C5: variants seen among roughly 807,000 people sequenced by gnomAD.
C5 encodes the protein complement C5, also known as C3 and PZP-like alpha-2-macroglobulin domain-containing protein 4.
Under a neutral mutation model 218.8 loss-of-function variants are expected in C5, and 140 were observed. That is an observed-to-expected ratio of 0.64 (90% CI 0.56 to 0.74). The LOEUF (loss-of-function observed/expected upper bound fraction) is 0.74. Ranked by LOEUF, C5 falls within the 30% of genes least tolerant of loss-of-function variation. The pLI, the probability that C5 is intolerant of heterozygous loss-of-function variation, is 0.00. For synonymous variants in C5, 614 were observed against 682.3 expected, an observed-to-expected ratio of 0.90 and a Z score of 1.56; for missense variants, 1,700 against 1,969.6, an observed-to-expected ratio of 0.86 and a Z score of 2.59.
intron 33 of C5, among the ~76,000 whole-genome samples, chr9:120,966,038 C>T (rs2046864966): frequency 6.6e-6 from 1 of 152,190 alleles, no homozygotes; most frequent in Admixed American, 6.5e-5. Flanking sequence ...ACCCTCTGAA[C>T]ACAGAAACTT....
rs1447436742 is a variant in C5, at chr9:121,034,879, C to T, written c.508G>A (p.Glu170Lys). 1 of 1,588,158 alleles carries T rather than the reference C, an allele frequency of 6.3e-7. No homozygotes were observed. Among genetic ancestry groups the T allele is most frequent in the South Asian group, 1.1e-5 (1 of 90,322 alleles). ...VLTFIDPEGSEVDMVEEIDHI... is the reference protein window; with the variant it reads ...VLTFIDPEGSKVDMVEEIDHI... ...TCAATTTCTTCTACCATGTCAACTT[C>T]TGATCCTTCAGGATCCTGTAAATAA... The change falls in exon 5 of 41, where the codon GAA becomes AAA. Residue 170 changes from glutamate (E) to lysine (K), a missense_variant. Transcript: ENST00000223642.
rs776297221 is a variant in C5 at position 121,014,072 on chromosome 9, T to C, written c.2060-2A>G. ...CTACTGAATGTTTATATTTAGCAGCTGAAATGGTAATAATGCAAGTGCTCT... is the reference window on the plus strand; with the variant it reads ...CTACTGAATGTTTATATTTAGCAGCCGAAATGGTAATAATGCAAGTGCTCT... On this transcript the variant is annotated splice_acceptor_variant, in intron 16 of 40. Transcript: ENST00000223642. LOFTEE classifies it high-confidence loss of function. 6.2e-7 allele frequency: 1 copy of C among 1,613,450 alleles called. No homozygotes were observed.
chr9:121,007,411 T>G (rs901934874), intron 18 of C5, among the ~76,000 whole-genome samples: 1 of 152,236 alleles, frequency 6.6e-6, no homozygotes, highest in Non-Finnish European at 1.5e-5. Context: ...GTATCAGGTA[T>G]AGTGCTGAGT....
chr9:120,978,508 C>T (rs910644272), intron 28 of C5, among the ~76,000 whole-genome samples: 25 of 152,102 alleles, frequency 1.6e-4, no homozygotes, highest in African/African-American at 5.6e-4. Flanking sequence ...TCTCACAATA[C>T]CCAAGACATT....
chr9:121,059,771 C>T, the C5 span, among the ~76,000 whole-genome samples: 1 of 152,208 alleles, frequency 6.6e-6, no homozygotes, highest in African/African-American at 2.4e-5. This position sits in a 1 kb window ranked among gnomAD's most constrained non-coding sequence, Gnocchi z 4.1. Flanking sequence ...AGGGGAAGCC[C>T]CCATGTAGTG....
intron 17 of C5, among the ~76,000 whole-genome samples, chr9:121,011,958 G>A (rs1401822319): frequency 6.6e-6 from 1 of 151,950 alleles, no homozygotes; most frequent in African/African-American, 2.4e-5. Context: ...TAGAGTAGAA[G>A]GCTGGGAAGG....
At position 121,025,564 on chromosome 9, in the gene C5, G is replaced by A. The variant is rs1269751460; in HGVS notation, c.890C>T (p.Ala297Val). ...MQNTMLINGI[A>V]QVTFDSETAV... ...TGTTTCAGAATCAAATGTGACTTGA[G>A]CAATTCCATTTATCAACTTTTTAAA... is the stretch of plus-strand genomic sequence containing the variant. Residue 297 changes from alanine (A) to valine (V), a missense_variant, in exon 9 of 41, where the codon GCT becomes GTT. Coordinates refer to ENST00000223642, the MANE Select transcript of C5 (RefSeq NM_001735.3). 6.2e-7 allele frequency: 1 copy of A among 1,612,428 alleles called. No individual in the cohort carries two copies. The highest frequency in any genetic ancestry group is 8.5e-7 in the Non-Finnish European group (1 of 1,179,564).
intron 17 of C5, among the ~76,000 whole-genome samples, chr9:121,013,176 C>G (rs528428847): frequency 6.6e-6 from 1 of 151,866 alleles, no homozygotes; most frequent in East Asian, 1.9e-4. Flanking sequence ...AAAAATTAAC[C>G]AGGTGTGGTG....
intron 33 of C5, among the ~76,000 whole-genome samples, chr9:120,967,552 T>C (rs901050304): frequency 6.6e-6 from 1 of 151,954 alleles, no homozygotes; most frequent in African/African-American, 2.4e-5. Flanking sequence ...TTATTGACAA[T>C]ACAAGAGTTA....
chr9:121,002,197 C>T (rs1196267588), intron 20 of C5, among the ~76,000 whole-genome samples: 9 of 101,346 alleles, frequency 8.9e-5, no homozygotes, highest in African/African-American at 2.3e-4. Context: ...TGTACATATA[C>T]GTATATATGT....
chr9:121,069,391 T>C, the C5 span, among the ~76,000 whole-genome samples: 1 of 152,076 alleles, frequency 6.6e-6, no homozygotes, highest in South Asian at 2.1e-4. Context: ...GAAAAAATGC[T>C]CACCATCATC....
At chr9:120,987,023 A>G (rs1460225219) in intron 25 of C5, among the ~76,000 whole-genome samples, 1 of 152,188 alleles carries the variant, frequency 6.6e-6, no homozygotes, top group Non-Finnish European at 1.5e-5. Context: ...GGAATCAAAA[A>G]CCAACTGATG....
In C5 at chr9:121,045,121, T is replaced by G. The variant is rs1036545917; in HGVS notation, c.258+1070A>C. ...TATGCCATAAAAGTAACACTTTTAA[T>G]AAATGAATTTTAATTGTTAACAAAC... On this transcript the variant is annotated intron_variant, in intron 2 of 40. Transcript: ENST00000223642. Among the ~76,000 whole-genome samples, 3 of 152,114 alleles carry G rather than the reference T, an allele frequency of 2.0e-5. 1 individual carries two copies. The highest frequency in any genetic ancestry group is 2.0e-4 in the Admixed American group (3 of 15,260).
At position 121,003,059 on chromosome 9, in the gene C5, A is replaced by T. The variant is rs145013697; in HGVS notation, c.2562+2860T>A. ...TGTAATTTCAGCACTTTGGGAGGCCAAGGTGGGCAGATCACAAGGTCAGGA... is the reference window on the plus strand; with the variant it reads ...TGTAATTTCAGCACTTTGGGAGGCCTAGGTGGGCAGATCACAAGGTCAGGA... On this transcript the variant is annotated intron_variant, in intron 20 of 40. Transcript: ENST00000223642. Among the ~76,000 whole-genome samples, 1,412 of 152,270 alleles carry T rather than the reference A, an allele frequency of 9.3e-3. 13 individuals carry two copies. The highest frequency in any genetic ancestry group is 0.02 in the Middle Eastern group (6 of 294).
chr9:121,057,690 A>G, the C5 span, among the ~76,000 whole-genome samples: 1 of 152,124 alleles, frequency 6.6e-6, no homozygotes. Flanking sequence ...TTTTACACAA[A>G]GGAAGATGGG....
At chr9:121,023,697 GA>G (rs1239539599) in intron 9 of C5, among the ~76,000 whole-genome samples, 178 bp from the exon 10 acceptor site, 4 of 152,232 alleles carry the variant, frequency 2.6e-5, no homozygotes, top group Admixed American at 6.5e-5. Context: ...GCACAGCAGA[GA>G]AGAGTTTAGA....
intron 5 of C5, among the ~76,000 whole-genome samples, chr9:121,032,737 T>C (rs1289266859): frequency 6.6e-6 from 1 of 152,212 alleles, no homozygotes; most frequent in Non-Finnish European, 1.5e-5. Flanking sequence ...TAGTGGCTCA[T>C]GCCTATAATC....
intron 14 of C5, among the ~76,000 whole-genome samples, chr9:121,016,999 G>A (rs755424334): frequency 2.6e-5 from 4 of 152,072 alleles, no homozygotes; most frequent in Non-Finnish European, 5.9e-5. Context: ...GGATTTCAAT[G>A]AGAATTTAAA....
intron 1 of C5, among the ~76,000 whole-genome samples, chr9:121,047,235 T>C (rs1418248324): frequency 6.6e-6 from 1 of 152,204 alleles, no homozygotes; most frequent in Non-Finnish European, 1.5e-5. Context: ...ATACGGTTTG[T>C]AAGTAAATGG....
Sources: allele counts gnomAD v4.1 joint callset (sites outside exome capture counted in the v4.1 genomes callset), GRCh38; gene constraint gnomAD v4.1.1; non-coding constraint Gnocchi (gnomAD v3.1); transcripts MANE v1.5; gene names NCBI Gene and HGNC (gene_info 2026-07-23, HGNC 2026-07-21).